Variants in TESPA1 observed in about 807,000 individuals in gnomAD.
TESPA1 encodes thymocyte expressed, positive selection associated 1.
Under a neutral mutation model 57.9 loss-of-function variants are expected in TESPA1, and 33 were observed. The observed-to-expected ratio is 0.57, with a 90% CI of 0.43 to 0.76. The LOEUF (loss-of-function observed/expected upper bound fraction) is 0.76. Ranked by LOEUF, TESPA1 falls within the 30% of genes least tolerant of loss-of-function variation. TESPA1 has a pLI of 0.00. For synonymous variants in TESPA1, 227 were observed against 228.9 expected (o/e 0.99, Z 0.07); for missense variants, 618 against 632.9 (o/e 0.98, Z 0.25).
chr12:54,973,779 T>C (rs1382443733), intron 2 of TESPA1: 1 of 1,240,498 alleles, frequency 8.1e-7, no homozygotes, highest in Non-Finnish European at 1.0e-6. Context: ...CTGCTGTCTT[T>C]TGAGAGTTCC....
At chr12:54,976,100 G>T (rs1952125837) in intron 1 of TESPA1, among the ~76,000 whole-genome samples, 1 of 152,198 alleles carries the variant, frequency 6.6e-6, no homozygotes, top group African/African-American at 2.4e-5. Context: ...TCATAAAGAA[G>T]CCTCGAAGAG....
chr12:54,965,017 C>T (rs1382388452), intron 7 of TESPA1, among the ~76,000 whole-genome samples: 1 of 152,170 alleles, frequency 6.6e-6, no homozygotes, highest in Non-Finnish European at 1.5e-5. Context: ...AACCAGGTCT[C>T]AAATTCAAAT....
At chr12:54,966,198 C>T in intron 6 of TESPA1, 47 bp from the exon 7 acceptor site, 1 of 1,563,598 alleles carries the variant, frequency 6.4e-7, no homozygotes, top group Non-Finnish European at 8.7e-7. Flanking sequence ...TTCCAGTCTG[C>T]ACCCTGGCTT....
At chr12:54,972,556 G>C (rs1951898897) in intron 3 of TESPA1, among the ~76,000 whole-genome samples, 1 of 152,082 alleles carries the variant, frequency 6.6e-6, no homozygotes, top group Admixed American at 6.5e-5. Flanking sequence ...GTATTCTGTG[G>C]GTCCTCTAAT....
In TESPA1 at chr12:54,966,064, C is replaced by G; in HGVS notation, c.435G>C (p.Lys145Asn). 6.4e-7 allele frequency: 1 copy of G among 1,572,952 alleles called. No homozygotes were observed. The highest frequency in any genetic ancestry group is 1.2e-5 in the South Asian group (1 of 85,554). Residue 145 changes from lysine to asparagine, a missense_variant, in exon 7 of 11, where the codon AAG (lysine) becomes AAC (asparagine). Coordinates refer to ENST00000449076, the MANE Select transcript of TESPA1 (RefSeq NM_001136030.3). ...ASSSMTGGTNKTSSSISEILD... is the reference protein window; with the variant it reads ...ASSSMTGGTNNTSSSISEILD... ...ACTTCAGTACCTACCTTGAACTAGT[C>G]TTGTTGGTCCCCCCAGTCATGCTGC...
In TESPA1 at chr12:54,974,411, A is replaced by C; in HGVS notation, c.152T>G (p.Val51Gly). 6.2e-7 allele frequency: 1 copy of C among 1,605,158 alleles called. No individual in the cohort carries two copies. The highest frequency in any genetic ancestry group is 8.5e-7 in the Non-Finnish European group (1 of 1,176,250). Reference protein sequence around the residue: ...PDPEPSSLDDVFQEGNPINKI... With the variant: ...PDPEPSSLDDGFQEGNPINKI... ...TGTTCGTCTCTTACCTTCTTGGAAA[A>C]CGTCATCCAGGCTGGAAGGCTCAGG... is the stretch of plus-strand genomic sequence containing the variant. The change falls in exon 2 of 11, where the codon GTT becomes GGT. Residue 51 changes from valine to glycine, a missense_variant. Transcript: ENST00000449076.
intron 6 of TESPA1, 50 bp from the exon 7 acceptor site, chr12:54,966,201 C>G: frequency 1.3e-6 from 2 of 1,564,644 alleles, no homozygotes; most frequent in Non-Finnish European, 1.7e-6. Flanking sequence ...CAGTCTGCAC[C>G]CTGGCTTCGA....
chr12:54,968,869 C>G (rs1951620511), intron 3 of TESPA1, among the ~76,000 whole-genome samples: 1 of 151,896 alleles, frequency 6.6e-6, no homozygotes, highest in Admixed American at 6.6e-5. Flanking sequence ...GAGCTTTTCT[C>G]TTTATCAGTC....
intron 10 of TESPA1, 76 bp downstream of exon 10, chr12:54,961,092 T>TA (rs5798332): frequency 0.052 from 61,038 of 1,171,530 alleles, 1 homozygote; most frequent in Non-Finnish European, 0.065. Flanking sequence ...ATTATGGGTT[T>TA]AAAAAAAAAA....
At chr12:54,952,072 GA>G (rs1160207980) in intron 10 of TESPA1, among the ~76,000 whole-genome samples, 29 of 152,192 alleles carry the variant, frequency 1.9e-4, no homozygotes, top group African/African-American at 6.7e-4. Context: ...AGGTCTTAGG[GA>G]AAAAATTAGG....
intron 2 of TESPA1, chr12:54,973,741 C>A: frequency 7.6e-7 from 1 of 1,312,500 alleles, no homozygotes; most frequent in East Asian, 3.0e-5. Context: ...TCCCAAGAAC[C>A]TGGAAAGTGC....
chr12:54,965,789 G>A (rs144653464), intron 7 of TESPA1, among the ~76,000 whole-genome samples: 2 of 152,126 alleles, frequency 1.3e-5, no homozygotes, highest in Non-Finnish European at 2.9e-5. Context: ...GAACTGTGAT[G>A]GTACCAGTAC....
At chr12:54,971,845 A>T (rs1213180149) in intron 3 of TESPA1, among the ~76,000 whole-genome samples, 3 of 151,960 alleles carry the variant, frequency 2.0e-5, no homozygotes, top group African/African-American at 4.8e-5. Context: ...ATTTCTGGGA[A>T]TTTTTTTTCT....
chr12:54,967,331 C>T, intron 4 of TESPA1, 95 bp from the exon 5 acceptor site: 12 of 1,375,412 alleles, frequency 8.7e-6, no homozygotes, highest in South Asian at 1.2e-5. Flanking sequence ...CTTCACATGC[C>T]CTTAGACTAG....
chr12:54,981,109 A>G (rs1329508607), intron 1 of TESPA1, among the ~76,000 whole-genome samples: 2 of 152,180 alleles, frequency 1.3e-5, no homozygotes, highest in Admixed American at 6.5e-5. Context: ...TTCATAAAAT[A>G]GATACTGTGC....
At chr12:54,975,065 C>G (rs1341713948) in intron 1 of TESPA1, among the ~76,000 whole-genome samples, 1 of 152,068 alleles carries the variant, frequency 6.6e-6, no homozygotes, top group Non-Finnish European at 1.5e-5. Context: ...TTTAGGGTCT[C>G]AAAGGTAAAA....
At chr12:54,953,961 G>A (rs1950572687) in intron 10 of TESPA1, among the ~76,000 whole-genome samples, 1 of 152,176 alleles carries the variant, frequency 6.6e-6, no homozygotes, top group South Asian at 2.1e-4. Context: ...ACTAAACTAT[G>A]AGCTCAAAGC....
intron 10 of TESPA1, among the ~76,000 whole-genome samples, chr12:54,951,968 C>A (rs1382960879): frequency 7.2e-6 from 1 of 139,718 alleles, no homozygotes; most frequent in Non-Finnish European, 1.5e-5. Context: ...TTCCTAGATT[C>A]CTTTATCCAA....
chr12:54,976,247 T>A (rs1416634578), intron 1 of TESPA1, among the ~76,000 whole-genome samples: 1 of 152,210 alleles, frequency 6.6e-6, no homozygotes, highest in Non-Finnish European at 1.5e-5. Context: ...TCAGAGCATT[T>A]AATGCAACTG....
Sources: allele counts gnomAD v4.1 joint callset (sites outside exome capture counted in the v4.1 genomes callset), GRCh38; gene constraint gnomAD v4.1.1; transcripts MANE v1.5; gene names NCBI Gene and HGNC (gene_info 2026-07-23, HGNC 2026-07-21).